Variants in ZNF530 observed in about 807,000 individuals in gnomAD.
ZNF530 encodes the protein zinc finger protein 530.
ZNF530 carries 5 observed loss-of-function variants against 2.8 expected under a neutral mutation model. That is an observed-to-expected ratio of 1.80 (90% CI 0.94 to 3.78). ZNF530 has a LOEUF of 3.78. Ranked by LOEUF, ZNF530 falls within the 30% of genes most tolerant of loss-of-function variation. The pLI is 0.00. For missense variants in ZNF530, 619 were observed against 673.3 expected (o/e 0.92, Z 0.89); for synonymous variants, 229 against 235.0 (o/e 0.97, Z 0.23).
rs889451422 is a variant in ZNF530 at position 57,599,915 on chromosome 19, A to G, written c.-341A>G. 1.8e-6 allele frequency: 1 copy of G among 553,048 alleles called. No individual in the cohort carries two copies. The highest frequency in any genetic ancestry group is 3.1e-6 in the Non-Finnish European group (1 of 323,456). The allele number at this position is 553,048 out of a possible 1,614,324, so 34.3% of individuals were successfully genotyped here. The stretch of plus-strand genomic sequence containing the variant: ...TTCCGGCGTCCTCCCTGTGGCGGGC[A>G]CTTTGGCTTGTGTCAGTTCCATCCG... On this transcript the variant is annotated 5_prime_UTR_variant, in exon 1 of 4. Coordinates refer to ENST00000597700, the MANE Select transcript of ZNF530 (RefSeq NM_001321981.2).
downstream of ZNF530, chr19:57,612,636 G>A (rs931381902): frequency 7.6e-5 from 30 of 397,162 alleles, no homozygotes; most frequent in African/African-American, 5.6e-4. Flanking sequence ...AGCTATGATC[G>A]TGCCACTACA....
chr19:57,601,144 T>A (rs1186261759), intron 2 of ZNF530, among the ~76,000 whole-genome samples: 1 of 152,100 alleles, frequency 6.6e-6, no homozygotes, highest in Non-Finnish European at 1.5e-5. Flanking sequence ...ATGGCAGCAA[T>A]GAAGATTTGG....
downstream of ZNF530, among the ~76,000 whole-genome samples, chr19:57,611,688 C>T (rs1329600894): frequency 6.6e-6 from 1 of 151,854 alleles, no homozygotes. Context: ...CTCCTGGTAC[C>T]AATCATGGCC....
rs777013515 is a variant in ZNF530, at chr19:57,606,063, A to G, written c.439A>G (p.Thr147Ala). The change falls in exon 4 of 4, where the codon ACC becomes GCC. Residue 147 changes from threonine to alanine, a missense_variant. Physicochemically the swap from Thr to Ala is moderately conservative, Grantham distance 58. Transcript: ENST00000597700. ...GGAAGTCGGGAGGGACTTTTCAGCC[A>G]CCTCAGGACTTCTCCAGCATCAGGT... ...FGEVGRDFSA[T>A]SGLLQHQVTP... 3 of 1,614,058 alleles carry G rather than the reference A, an allele frequency of 1.9e-6. No individual in the cohort carries two copies. The highest frequency in any genetic ancestry group is 2.5e-6 in the Non-Finnish European group (3 of 1,180,028).
At chr19:57,605,611 C>A in intron 3 of ZNF530, 75 bp from the exon 4 acceptor site, 1 of 1,433,096 alleles carries the variant, frequency 7.0e-7, no homozygotes, top group Non-Finnish European at 9.4e-7. Flanking sequence ...TAGACTCATT[C>A]TTTGACACAC....
Position 57,606,383 on chromosome 19 carries a change from A to C in ZNF530, c.759A>C (p.Gln253His). The C allele has an allele frequency of 1.2e-6, 2 of 1,614,128 alleles. No homozygotes were observed. The highest frequency in any genetic ancestry group is 1.7e-6 in the Non-Finnish European group (2 of 1,180,012). The change falls in exon 4 of 4, where the codon CAA (glutamine) becomes CAC (histidine). Residue 253 changes from glutamine to histidine, a missense_variant. Coordinates refer to ENST00000597700, the MANE Select transcript of ZNF530 (RefSeq NM_001321981.2). The part of the protein sequence containing the change: ...FSRKTHLTQH[Q>H]RVHTGERPYD... ...GCAAAACTCACCTAACTCAACACCA[A>C]AGAGTTCACACTGGAGAAAGGCCTT...
chr19:57,601,534 G>A (rs1228139158), intron 2 of ZNF530, among the ~76,000 whole-genome samples: 5 of 152,226 alleles, frequency 3.3e-5, no homozygotes. Flanking sequence ...AATATGAGAT[G>A]TTTTAGAGAA....
In ZNF530 at chr19:57,607,224, A is replaced by T; in HGVS notation, c.1600A>T (p.Thr534Ser). ...TRKNHLIQHK[T>S]VHTGERPYEC... ...CAAAAATCACCTCATTCAACACAAG[A>T]CAGTTCACACTGGAGAAAGGCCTTA... The change falls in exon 4 of 4, where the codon ACA becomes TCA. Residue 534 changes from threonine to serine, a missense_variant. Coordinates refer to ENST00000597700, the MANE Select transcript of ZNF530 (RefSeq NM_001321981.2). The T allele has an allele frequency of 6.2e-7, 1 of 1,614,118 alleles. No individual in the cohort carries two copies. The highest frequency in any genetic ancestry group is 8.5e-7 in the Non-Finnish European group (1 of 1,180,020).
intron 2 of ZNF530, among the ~76,000 whole-genome samples, chr19:57,603,713 T>C (rs1255430426): frequency 6.6e-6 from 1 of 152,200 alleles, no homozygotes; most frequent in Admixed American, 6.5e-5. Flanking sequence ...TAGGAAGGGC[T>C]TCAGAGCAGG....
chr19:57,607,230 C>T lies in ZNF530; in HGVS notation c.1606C>T (p.His536Tyr), dbSNP rs78291041. Reference sequence around the variant, plus strand: ...TCACCTCATTCAACACAAGACAGTTCACACTGGAGAAAGGCCTTATGAATG... The same window carrying T: ...TCACCTCATTCAACACAAGACAGTTTACACTGGAGAAAGGCCTTATGAATG... ...KNHLIQHKTVHTGERPYECSE... is the reference protein window; with the variant it reads ...KNHLIQHKTVYTGERPYECSE... Residue 536 changes from histidine to tyrosine, a missense_variant, in exon 4 of 4, where the codon CAC becomes TAC. Physicochemically the swap from His to Tyr is moderately conservative, Grantham distance 83. Transcript: ENST00000597700. The T allele has an allele frequency of 2.1e-3, 3,470 of 1,614,152 alleles. 56 individuals carry two copies. In the African/African-American group the frequency reaches 0.04, roughly 18 times the overall value.
At chr19:57,604,462 C>A in intron 3 of ZNF530, 56 bp downstream of exon 3, 1 of 1,575,644 alleles carries the variant, frequency 6.3e-7, no homozygotes, top group South Asian at 1.2e-5. Flanking sequence ...TTTCCCCTGT[C>A]CCTGAGGCAG....
At position 57,599,886 on chromosome 19, in the gene ZNF530, G is replaced by T. The variant is rs1169111337; in HGVS notation, c.-370G>T. The stretch of plus-strand genomic sequence containing the variant: ...CCGCTCTGTCCAACTTGTCGGAGCG[G>T]AACTTCCGGCGTCCTCCCTGTGGCG... On this transcript the variant is annotated 5_prime_UTR_variant, in exon 1 of 4. Coordinates refer to ENST00000597700, the MANE Select transcript of ZNF530 (RefSeq NM_001321981.2). 2.0e-6 allele frequency: 1 copy of T among 503,322 alleles called. No individual in the cohort carries two copies. The highest frequency in any genetic ancestry group is 3.6e-6 in the Non-Finnish European group (1 of 281,184). The allele number at this position is 503,322 out of a possible 1,614,324, so 31.2% of individuals were successfully genotyped here.
rs1237279596 is a variant in ZNF530, at chr19:57,599,963, G to A, written c.-293G>A. 4.1e-6 allele frequency: 4 copies of A among 969,852 alleles called. No individual in the cohort carries two copies. Among genetic ancestry groups the A allele is most frequent in the African/African-American group, 1.6e-5 (1 of 60,844 alleles). 60.1% of individuals were successfully genotyped at this position (969,852 alleles called of 1,614,324 possible). On this transcript the variant is annotated 5_prime_UTR_variant, in exon 1 of 4. The change creates a new upstream start codon in the 5' untranslated region. Coordinates refer to ENST00000597700, the MANE Select transcript of ZNF530 (RefSeq NM_001321981.2). ...CCGCGGGTGCCGGATCTGGACCTAG[G>A]TGCTGACAGCGAGAAGGCGCGAGGA...
At chr19:57,612,122 T>C (rs1310541973), downstream of ZNF530, among the ~76,000 whole-genome samples, 1 of 152,224 alleles carries the variant, frequency 6.6e-6, no homozygotes, top group Non-Finnish European at 1.5e-5. Flanking sequence ...TTTATTTCAC[T>C]GGCATTGAGC....
intron 3 of ZNF530, chr19:57,604,645 A>G (rs753411062): frequency 7.6e-6 from 3 of 397,180 alleles, no homozygotes; most frequent in Non-Finnish European, 1.3e-5. Flanking sequence ...AACCTAAAGG[A>G]TTTGTCCTTG....
Position 57,606,117 on chromosome 19 carries a change from A to G in ZNF530, c.493A>G (p.Arg165Gly). 1 of 1,614,248 alleles carries G rather than the reference A, an allele frequency of 6.2e-7. No homozygotes were observed. Among genetic ancestry groups the G allele is most frequent in the Non-Finnish European group, 8.5e-7 (1 of 1,180,040 alleles). ...VTPTIERPHS[R>G]IRHLRVPTGR... ...TCCCACCATTGAGAGACCACACAGCAGGATTAGACACTTGAGAGTTCCCAC... is the reference window on the plus strand; with the variant it reads ...TCCCACCATTGAGAGACCACACAGCGGGATTAGACACTTGAGAGTTCCCAC... The change falls in exon 4 of 4, where the codon AGG (arginine) becomes GGG (glycine). Residue 165 changes from arginine to glycine, a missense_variant. By Grantham distance (125) the Arg-to-Gly change is moderately radical. Transcript: ENST00000597700.
At chr19:57,601,089 G>C (rs1404028814) in intron 2 of ZNF530, among the ~76,000 whole-genome samples, 1 of 152,194 alleles carries the variant, frequency 6.6e-6, no homozygotes, top group Non-Finnish European at 1.5e-5. Context: ...AGGTACAGGA[G>C]TTAGAAACTA....
At chr19:57,604,029 G>A (rs1980373996) in intron 2 of ZNF530, among the ~76,000 whole-genome samples, 1 of 152,212 alleles carries the variant, frequency 6.6e-6, no homozygotes, top group Admixed American at 6.5e-5. Context: ...GCCATGGTCT[G>A]AGGGATTCCA....
rs1264972625 is a variant in ZNF530 at position 57,604,194 on chromosome 19, T to A, written c.-69-83T>A. The A allele has an allele frequency of 2.0e-5, 32 of 1,596,496 alleles. No homozygotes were observed. In the East Asian group the frequency reaches 6.7e-4, roughly 34 times the overall value. ...TGAGGTGGGGAGATGGGGAGGAGGG[T>A]GAGCCAGGGATGGATGTTTGGGGGA... On this transcript the variant is annotated intron_variant, in intron 2 of 3. Transcript: ENST00000597700.
Sources: allele counts gnomAD v4.1 joint callset (sites outside exome capture counted in the v4.1 genomes callset), GRCh38; gene constraint gnomAD v4.1.1; transcripts MANE v1.5; gene names NCBI Gene and HGNC (gene_info 2026-07-23, HGNC 2026-07-21).